Variants in ERC1 observed in about 807,000 individuals in gnomAD.
The protein encoded by ERC1 is RAB6 interacting protein 2.
ERC1 carries 56 observed loss-of-function variants against 132.0 expected under a neutral mutation model. That is an observed-to-expected ratio of 0.42 (90% confidence interval 0.34 to 0.53). The LOEUF (loss-of-function observed/expected upper bound fraction) is 0.53, where lower values mean the gene tolerates loss of function less well. Among genes scored for constraint, ERC1 ranks in the 20% least tolerant of loss-of-function variants. ERC1 has a pLI of 0.03. For synonymous variants in ERC1, 478 were observed against 476.1 expected, an observed-to-expected ratio of 1.00 and a Z score of -0.05; for missense variants, 1,202 against 1,349.9, an observed-to-expected ratio of 0.89 and a Z score of 1.72.
chr12:1,276,122 C>T (rs1053755752), intron 14 of ERC1, among the ~76,000 whole-genome samples: 7 of 152,200 alleles, frequency 4.6e-5, no homozygotes, highest in African/African-American at 1.7e-4. Context: ...GAAGCAATCT[C>T]TTCAACCTTA....
chr12:1,303,871 T>A (rs1477237718), intron 15 of ERC1, among the ~76,000 whole-genome samples: 3 of 148,840 alleles, frequency 2.0e-5, no homozygotes, highest in South Asian at 2.1e-4. Context: ...GGAGAATTGC[T>A]GGAACCCGGG....
intron 17 of ERC1, among the ~76,000 whole-genome samples, chr12:1,434,033 G>A (rs1359469285): frequency 6.7e-6 from 1 of 148,742 alleles, no homozygotes; most frequent in Non-Finnish European, 1.5e-5. Context: ...CCAGGGAAAA[G>A]CAGCTACAAA....
chr12:1,250,761 C>T (rs909669889), intron 13 of ERC1, among the ~76,000 whole-genome samples: 4 of 152,196 alleles, frequency 2.6e-5, no homozygotes, highest in Middle Eastern at 3.4e-3. Flanking sequence ...GTTTTAGTCA[C>T]GTCCTAATAA....
rs374070587 is a variant in ERC1 at position 998,567 on chromosome 12, A to G, written c.-157+7245A>G. 13 of 152,318 alleles carry G rather than the reference A, an allele frequency of 8.5e-5. No homozygotes were observed. In the East Asian group the frequency reaches 1.5e-3, roughly 18 times the overall value. 9.4% of individuals were successfully genotyped at this position (152,318 alleles called of 1,614,324 possible). A position where few individuals can be genotyped will look rare whatever the true frequency, so the allele number is the denominator to read the frequency against. On this transcript the variant is annotated intron_variant, in intron 1 of 18. Transcript: ENST00000360905. Reference sequence around the variant, plus strand: ...CTTCTGTCTTCAAAAGAGGACAGATATTAGCCAGAATCTTTTTGTAACCTT... The same window carrying G: ...CTTCTGTCTTCAAAAGAGGACAGATGTTAGCCAGAATCTTTTTGTAACCTT...
upstream of ERC1, chr12:990,524 CTA>C (rs1278390959): frequency 6.6e-6 from 1 of 152,158 alleles, no homozygotes; most frequent in Non-Finnish European, 1.5e-5. Flanking sequence ...AACGTGGACA[CTA>C]ATTTCCGCCC....
intron 18 of ERC1, among the ~76,000 whole-genome samples, chr12:1,489,385 C>T (rs141418852): frequency 1.2e-4 from 18 of 152,314 alleles, no homozygotes; most frequent in East Asian, 1.2e-3. Flanking sequence ...GCCTCAGCTG[C>T]GGCCTCACTC....
intron 8 of ERC1, among the ~76,000 whole-genome samples, chr12:1,169,533 A>C (rs1383674313): frequency 1.3e-5 from 2 of 152,158 alleles, no homozygotes; most frequent in African/African-American, 4.8e-5. Context: ...GATCCCAAAG[A>C]GCACCGTCTA....
At chr12:1,249,776 A>T (rs1178388339) in intron 13 of ERC1, among the ~76,000 whole-genome samples, 5 of 152,210 alleles carry the variant, frequency 3.3e-5, no homozygotes, top group African/African-American at 1.2e-4. Context: ...GTGCCTGGAA[A>T]GTCCAAGATC....
At chr12:1,161,516 A>G (rs1045458768) in intron 8 of ERC1, among the ~76,000 whole-genome samples, 4 of 152,232 alleles carry the variant, frequency 2.6e-5, no homozygotes, top group Non-Finnish European at 2.9e-5. Flanking sequence ...CTCCCTGGCA[A>G]AATTATACCC....
At chr12:1,115,516 C>G (rs1946351714) in intron 6 of ERC1, 1 of 168,666 alleles carries the variant, frequency 5.9e-6, no homozygotes, top group Admixed American at 6.2e-5. Context: ...AAATGAAAAC[C>G]ATTTCATCAG....
chr12:1,292,970 C>G (rs958889151), intron 15 of ERC1, among the ~76,000 whole-genome samples: 1 of 151,716 alleles, frequency 6.6e-6, no homozygotes, highest in Non-Finnish European at 1.5e-5. Flanking sequence ...CATGGTGAAC[C>G]CTCGTCTCTA....
intron 12 of ERC1, among the ~76,000 whole-genome samples, chr12:1,230,138 C>T (rs1427973903): frequency 6.6e-6 from 1 of 151,664 alleles, no homozygotes; most frequent in Non-Finnish European, 1.5e-5. Flanking sequence ...TCCTGAGTAG[C>T]TGGGATTACA....
chr12:1,450,565 T>C (rs1392240399), intron 18 of ERC1, among the ~76,000 whole-genome samples: 2 of 152,226 alleles, frequency 1.3e-5, no homozygotes, highest in African/African-American at 4.8e-5. Flanking sequence ...TCGGGTTGCT[T>C]CCACATTTTA....
chr12:1,084,867 T>G (rs1942763602), intron 3 of ERC1, among the ~76,000 whole-genome samples: 1 of 151,804 alleles, frequency 6.6e-6, no homozygotes, highest in Non-Finnish European at 1.5e-5. Context: ...AATTTTTAAA[T>G]TAAAAAAAAA....
intron 8 of ERC1, chr12:1,151,846 T>A (rs1396056901): frequency 6.6e-6 from 1 of 152,280 alleles, no homozygotes; most frequent in Non-Finnish European, 1.5e-5. Context: ...TCTGAAATGC[T>A]TGGTGAAACT....
At chr12:1,017,792 C>T (rs1042501756) in intron 1 of ERC1, among the ~76,000 whole-genome samples, 1 of 152,148 alleles carries the variant, frequency 6.6e-6, no homozygotes, top group Non-Finnish European at 1.5e-5. Flanking sequence ...AGCCACCATG[C>T]CCAGCCCATC....
intron 18 of ERC1, among the ~76,000 whole-genome samples, chr12:1,456,583 T>C (rs2093541205): frequency 6.6e-6 from 1 of 152,178 alleles, no homozygotes; most frequent in Admixed American, 6.5e-5. Context: ...TTATTTTATC[T>C]CTTCAAGGTA....
chr12:1,084,852 T>C (rs955963955), intron 3 of ERC1, among the ~76,000 whole-genome samples: 2 of 151,930 alleles, frequency 1.3e-5, no homozygotes, highest in Admixed American at 6.6e-5. Flanking sequence ...CCACCATGCA[T>C]TGTTAATTTT....
chr12:1,078,663 C>G (rs2154186420), intron 2 of ERC1, among the ~76,000 whole-genome samples: 1 of 152,178 alleles, frequency 6.6e-6, no homozygotes, highest in South Asian at 2.1e-4. Context: ...ATATTTGTAA[C>G]ATACACAGCA....
Sources: allele counts gnomAD v4.1 joint callset (sites outside exome capture counted in the v4.1 genomes callset), GRCh38; gene constraint gnomAD v4.1.1; transcripts MANE v1.5; gene names NCBI Gene and HGNC (gene_info 2026-07-23, HGNC 2026-07-21).